The following PTPRD variants were observed in gnomAD, a reference collection of about 807,000 sequenced individuals.
PTPRD encodes receptor-type tyrosine-protein phosphatase delta.
In PTPRD, 34 loss-of-function variants were observed where a neutral mutation model predicts 214.5. The ratio of observed to expected loss-of-function variants is 0.16; its 90% CI spans 0.12 to 0.21. PTPRD has a LOEUF of 0.21. Ranked by LOEUF, PTPRD falls within the 10% of genes least tolerant of loss-of-function variation. The pLI, the probability that PTPRD is intolerant of heterozygous loss-of-function variation, is 1.00. For synonymous variants in PTPRD, 1,128 were observed against 845.7 expected, an observed-to-expected ratio of 1.33 and a Z score of -5.79; for missense variants, 2,545 against 2,398.7, an observed-to-expected ratio of 1.06 and a Z score of -1.27.
intron 7 of PTPRD, among the ~76,000 whole-genome samples, chr9:9,623,048 A>G (rs574938824): frequency 1.6e-4 from 24 of 152,238 alleles, no homozygotes; most frequent in Non-Finnish European, 3.1e-4. Context: ...CAACCATACC[A>G]AATTGGGCTG....
At chr9:8,396,601 T>G (rs1306765438) in intron 36 of PTPRD, among the ~76,000 whole-genome samples, 3 of 152,172 alleles carry the variant, frequency 2.0e-5, no homozygotes, top group Non-Finnish European at 2.9e-5. Context: ...TACTCTTCGA[T>G]TAGCTTTCTG....
chr9:10,271,267 G>A (rs1340044329), intron 3 of PTPRD, among the ~76,000 whole-genome samples: 1 of 151,852 alleles, frequency 6.6e-6, no homozygotes, highest in Non-Finnish European at 1.5e-5. Flanking sequence ...TATGTTTTTG[G>A]AACAGAAGAC....
At chr9:9,017,244 T>C (rs1357463334) in intron 11 of PTPRD, among the ~76,000 whole-genome samples, 1 of 152,176 alleles carries the variant, frequency 6.6e-6, no homozygotes, top group African/African-American at 2.4e-5. Flanking sequence ...GAATTTTTAC[T>C]TGTTTTATCT....
intron 39 of PTPRD, among the ~76,000 whole-genome samples, chr9:8,372,385 C>G (rs1021805979): frequency 2.6e-5 from 4 of 151,958 alleles, no homozygotes; most frequent in African/African-American, 9.7e-5. Flanking sequence ...TGCACTGTCT[C>G]AAGTGCTTTA....
intron 2 of PTPRD, among the ~76,000 whole-genome samples, chr9:10,426,579 G>C (rs546412273): frequency 3.3e-5 from 5 of 151,980 alleles, no homozygotes; most frequent in African/African-American, 1.2e-4. Context: ...CCATTCTTAA[G>C]GAAACTGGAT....
At chr9:8,859,749 A>G (rs1386901701) in intron 11 of PTPRD, among the ~76,000 whole-genome samples, 1 of 148,210 alleles carries the variant, frequency 6.7e-6, no homozygotes, top group African/African-American at 2.4e-5. Flanking sequence ...TCCAAAAATA[A>G]GTCACATATT....
At chr9:9,372,074 A>C (rs1239152300) in intron 9 of PTPRD, among the ~76,000 whole-genome samples, 4 of 152,188 alleles carry the variant, frequency 2.6e-5, no homozygotes, top group African/African-American at 9.7e-5. Context: ...TGGTGCTGAA[A>C]AGAATGTATA....
chr9:10,606,599 G>A (rs2079456877), intron 2 of PTPRD, among the ~76,000 whole-genome samples: 1 of 151,106 alleles, frequency 6.6e-6, no homozygotes, highest in Non-Finnish European at 1.5e-5. Flanking sequence ...AAAATATGAG[G>A]TTTGGGTTAT....
intron 9 of PTPRD, among the ~76,000 whole-genome samples, chr9:9,365,809 A>G (rs1445259717): frequency 6.6e-6 from 1 of 151,422 alleles, no homozygotes; most frequent in East Asian, 1.9e-4. Context: ...TAAAGGCCTC[A>G]TCTCCAAATC....
intron 12 of PTPRD, among the ~76,000 whole-genome samples, chr9:8,649,621 G>A (rs577907150): frequency 1.3e-5 from 2 of 152,162 alleles, no homozygotes; most frequent in African/African-American, 4.8e-5. Context: ...AGAAATCTTT[G>A]TAAACAAAAA....
At chr9:10,310,270 GA>G (rs1444685222) in intron 3 of PTPRD, among the ~76,000 whole-genome samples, 2 of 151,978 alleles carry the variant, frequency 1.3e-5, no homozygotes, top group African/African-American at 4.8e-5. Context: ...GCCAGTAAAA[GA>G]AAAAGATTGT....
At chr9:10,472,986 C>T (rs1180602700) in intron 2 of PTPRD, among the ~76,000 whole-genome samples, 1 of 151,800 alleles carries the variant, frequency 6.6e-6, no homozygotes. Flanking sequence ...TTATTTAATA[C>T]ATTATTTCTT....
At chr9:10,383,555 C>G (rs934621696) in intron 2 of PTPRD, among the ~76,000 whole-genome samples, 1 of 151,762 alleles carries the variant, frequency 6.6e-6, no homozygotes, top group African/African-American at 2.4e-5. Context: ...TTCAGCTGTT[C>G]TTATTTTAAC....
intron 11 of PTPRD, among the ~76,000 whole-genome samples, chr9:8,956,924 G>A (rs922329929): frequency 6.6e-6 from 1 of 151,810 alleles, no homozygotes; most frequent in Non-Finnish European, 1.5e-5. Context: ...TTGAAACTCT[G>A]CAGATGATTC....
At chr9:9,868,245 C>G (rs1050981748) in intron 5 of PTPRD, among the ~76,000 whole-genome samples, 5 of 152,038 alleles carry the variant, frequency 3.3e-5, no homozygotes, top group Admixed American at 6.6e-5. Context: ...AAACAAACCT[C>G]TAATGTGAGA....
At chr9:10,384,647 A>C (rs115904556) in intron 2 of PTPRD, among the ~76,000 whole-genome samples, 89 of 151,832 alleles carry the variant, frequency 5.9e-4, no homozygotes, top group African/African-American at 2.0e-3. Flanking sequence ...AAGTGGAATT[A>C]GTTTTAAAAA....
intron 7 of PTPRD, among the ~76,000 whole-genome samples, chr9:9,583,835 C>T (rs984428982): frequency 6.6e-6 from 1 of 152,036 alleles, no homozygotes; most frequent in Admixed American, 6.6e-5. Context: ...CCTTATCACT[C>T]CCTATTCTGA....
At chr9:8,513,121 A>C (rs2097714563) in intron 21 of PTPRD, among the ~76,000 whole-genome samples, 1 of 152,018 alleles carries the variant, frequency 6.6e-6, no homozygotes, top group Non-Finnish European at 1.5e-5. Flanking sequence ...GTAATGCCAG[A>C]AGTTAGAGCT....
intron 14 of PTPRD, among the ~76,000 whole-genome samples, chr9:8,536,071 G>A (rs907762649): frequency 2.2e-4 from 33 of 151,294 alleles, no homozygotes; most frequent in African/African-American, 7.8e-4. Flanking sequence ...ATTTTTTTGT[G>A]GCTATAAAAC....
Sources: gnomAD v4.1 joint callset for allele counts (sites outside exome capture counted in the v4.1 genomes callset) on GRCh38, gnomAD v4.1.1 for gene constraint, MANE v1.5 for transcripts, NCBI Gene and HGNC (gene_info 2026-07-23, HGNC 2026-07-21) for gene names.